Variants in OLR1 observed in about 807,000 individuals in gnomAD.
OLR1 encodes oxidized low density lipoprotein receptor 1, also known as oxidized low-density lipoprotein receptor 1.
A neutral mutation model predicts 31.7 loss-of-function variants in OLR1; 23 were observed. The observed-to-expected ratio is 0.72, with a 90% CI of 0.52 to 1.03. OLR1 has a LOEUF of 1.03. Among genes scored for constraint, OLR1 ranks in the 50% least tolerant of loss-of-function variants. The pLI is 0.00. For missense variants in OLR1, 286 were observed against 315.7 expected (o/e 0.91, Z 0.71); for synonymous variants, 117 against 115.8 (o/e 1.01, Z -0.07).
rs1403532002 is a variant in OLR1, at chr12:10,171,983, A to T, written c.76+19T>A. 4.4e-6 allele frequency: 7 copies of T among 1,592,758 alleles called. No individual in the cohort carries two copies. The highest frequency in any genetic ancestry group is 1.7e-5 in the Admixed American group (1 of 59,886). On this transcript the variant is annotated intron_variant, in intron 1 of 5. Coordinates refer to ENST00000309539, the MANE Select transcript of OLR1 (RefSeq NM_002543.4). ...ACACTGGGATTCTTTCCCTGTACAC[A>T]TTTTCCCATCCCTAGTACCTTTAGC...
chr12:10,174,816 C>G (rs1361563580), upstream of OLR1, among the ~76,000 whole-genome samples: 1 of 152,170 alleles, frequency 6.6e-6, no homozygotes, highest in African/African-American at 2.4e-5. Context: ...GCACCTCATA[C>G]TGGTGGAATC....
chr12:10,175,179 C>T (rs1948757138), upstream of OLR1: 1 of 152,092 alleles, frequency 6.6e-6, no homozygotes, highest in Admixed American at 6.6e-5. Context: ...AGCAGAGGTG[C>T]TGGAATGTAT....
intron 2 of OLR1, chr12:10,167,302 C>T (rs944153724): frequency 4.9e-6 from 1 of 202,162 alleles, no homozygotes; most frequent in African/African-American, 2.3e-5. Flanking sequence ...ATGGTGAAAC[C>T]CCATCTCTAC....
intron 3 of OLR1, among the ~76,000 whole-genome samples, 186 bp downstream of exon 3, chr12:10,166,526 T>TAAA (rs111536572): frequency 3.0e-5 from 4 of 134,958 alleles, no homozygotes; most frequent in African/African-American, 1.1e-4. Context: ...AAACTCCATC[T>TAAA]AAAAAAAAAA....
chr12:10,161,895 A>G (rs1030755468), intron 3 of OLR1, among the ~76,000 whole-genome samples: 3 of 147,922 alleles, frequency 2.0e-5, no homozygotes, highest in African/African-American at 7.5e-5. Flanking sequence ...CTTCTTTTTC[A>G]TTTTTATGTG....
At chr12:10,166,690 T>G in intron 3 of OLR1, 22 bp downstream of exon 3, 1 of 1,613,430 alleles carries the variant, frequency 6.2e-7, no homozygotes, top group Non-Finnish European at 8.5e-7. Flanking sequence ...CTATGTCTCC[T>G]TACCCACCCT....
chr12:10,175,036 C>T (rs1382116678), upstream of OLR1, among the ~76,000 whole-genome samples: 1 of 152,136 alleles, frequency 6.6e-6, no homozygotes, highest in East Asian at 1.9e-4. Flanking sequence ...ATAGTTTCTA[C>T]AGTCCTTGTG....
rs1425341079 is a variant in OLR1, at chr12:10,160,698, A to G, written c.564+88T>C. 63 of 1,524,666 alleles carry G rather than the reference A, an allele frequency of 4.1e-5. No homozygotes were observed. In the East Asian group the frequency reaches 1.4e-3, roughly 33 times the overall value. The allele number at this position is 1,524,666 out of a possible 1,614,324, so 94.4% of individuals were successfully genotyped here. ...AAAAAAACAGACATTTTGGCTCTCAAACAAGAATTCCTCCAGTGACAGTTT... is the reference window on the plus strand; with the variant it reads ...AAAAAAACAGACATTTTGGCTCTCAGACAAGAATTCCTCCAGTGACAGTTT... On this transcript the variant is annotated intron_variant, in intron 4 of 5. Transcript: ENST00000309539.
At chr12:10,167,636 A>G (rs1013630626) in intron 2 of OLR1, 4 of 152,202 alleles carry the variant, frequency 2.6e-5, no homozygotes, top group African/African-American at 7.2e-5. Context: ...TTATGTCTCA[A>G]TTCCTCTGCT....
Position 10,169,192 on chromosome 12 carries a change from T to C in OLR1, c.77-17A>G. On this transcript the variant is annotated splice_polypyrimidine_tract_variant and intron_variant, in intron 1 of 5. Transcript: ENST00000309539. Reference sequence around the variant, plus strand: ...ACTGAAGACCTAGAGTGACAGAGGATAGAATCAGAAAGACAAAAAAGAGTG... The same window carrying C: ...ACTGAAGACCTAGAGTGACAGAGGACAGAATCAGAAAGACAAAAAAGAGTG... The C allele has an allele frequency of 1.3e-6, 2 of 1,581,066 alleles. No individual in the cohort carries two copies. The highest frequency in any genetic ancestry group is 4.5e-5 in the East Asian group (2 of 44,708).
intron 3 of OLR1, among the ~76,000 whole-genome samples, chr12:10,161,767 TGAAAAA>T (rs1255148491): frequency 1.3e-5 from 2 of 151,880 alleles, no homozygotes; most frequent in East Asian, 1.9e-4. Context: ...AAACTTAATT[TGAAAAA>T]GAAAAAGAAT....
intron 3 of OLR1, among the ~76,000 whole-genome samples, chr12:10,162,955 T>TTG (rs10637880): frequency 0.37 from 56,132 of 151,208 alleles, 10,461 homozygotes; most frequent in East Asian, 0.55. Flanking sequence ...CTGTATTTCT[T>TTG]TGTGTGTGTG....
At chr12:10,160,672 TA>T (rs926516179) in intron 4 of OLR1, 113 bp downstream of exon 4, 22 of 1,394,598 alleles carry the variant, frequency 1.6e-5, no homozygotes, top group East Asian at 2.3e-5. Flanking sequence ...CAGACTAAGC[TA>T]AAAAAACAGA....
chr12:10,163,839 G>A (rs1475099500), intron 3 of OLR1, among the ~76,000 whole-genome samples: 2 of 152,012 alleles, frequency 1.3e-5, no homozygotes, highest in Non-Finnish European at 2.9e-5. Context: ...GCTGAGGCAG[G>A]AGAATTGCTT....
In OLR1 at chr12:10,160,032, G is replaced by GA. The variant is rs767552288; in HGVS notation, c.681-12dup. On this transcript the variant is annotated splice_polypyrimidine_tract_variant and intron_variant, in intron 5 of 5. Transcript: ENST00000309539. Reference sequence around the variant, plus strand: ...CCTCGGACTCTAAATCTGCAGGTAGGAAAAAACAAAACAAACCAACAAAAA... The same window carrying GA: ...CCTCGGACTCTAAATCTGCAGGTAGGAAAAAAACAAAACAAACCAACAAAAA... The GA allele has an allele frequency of 1.3e-5, 20 of 1,585,550 alleles. No individual in the cohort carries two copies. The highest frequency in any genetic ancestry group is 1.7e-4 in the Middle Eastern group (1 of 5,936).
chr12:10,160,405 G>A lies in OLR1; in HGVS notation c.622C>T (p.Arg208Trp), dbSNP rs775516504. The change falls in exon 5 of 6, where the codon CGG becomes TGG. Residue 208 changes from arginine to tryptophan, a missense_variant. Transcript: ENST00000309539. Reference protein sequence around the residue: ...SSFPFWMGLSRRNPSYPWLWE... With the variant: ...SSFPFWMGLSWRNPSYPWLWE... The stretch of plus-strand genomic sequence containing the variant: ...AGCCATGGGTAGCTGGGGTTCCTCC[G>A]AGACAGCCCCATCCAGAATGGAAAA... 6.2e-6 allele frequency: 10 copies of A among 1,613,802 alleles called. No individual in the cohort carries two copies. Among genetic ancestry groups the A allele is most frequent in the East Asian group, 2.2e-5 (1 of 44,894 alleles).
chr12:10,166,818 T>C lies in OLR1; in HGVS notation c.318A>G (p.Ile106Met), dbSNP rs1274777992. Residue 106 changes from isoleucine (I) to methionine (M), a missense_variant, in exon 3 of 6, where the codon ATA becomes ATG. Transcript: ENST00000309539. ...QESENELKEM[I>M]ETLARKLNEK... Reference sequence around the variant, plus strand: ...CATTCAGCTTCCGAGCAAGGGTTTCTATCATTTCCTTGAGTTCGTTTTCTG... The same window carrying C: ...CATTCAGCTTCCGAGCAAGGGTTTCCATCATTTCCTTGAGTTCGTTTTCTG... 2.5e-6 allele frequency: 4 copies of C among 1,613,776 alleles called. No homozygotes were observed. Among genetic ancestry groups the C allele is most frequent in the East Asian group, 2.2e-5 (1 of 44,810 alleles).
intron 3 of OLR1, among the ~76,000 whole-genome samples, chr12:10,162,552 G>C (rs1238616525): frequency 6.6e-6 from 1 of 152,196 alleles, no homozygotes; most frequent in Admixed American, 6.5e-5. Context: ...TTTTGGCTGG[G>C]GGTGGTGGCT....
Position 10,159,892 on chromosome 12 carries a change from TA to T in OLR1, c.809del (p.Leu270GlnfsTer17), listed in dbSNP as rs1340404592. ...AFSICQKKANLRAQ is the reference protein window; with the variant it reads ...AFSICQKKANXRAQ ...AGAGCCTTCAAATTCACTGTGCTCT[TA>T]GGTTTGCCTTCTTCTGACATATACT... On this transcript the variant is annotated frameshift_variant, in exon 6 of 6. Transcript: ENST00000309539. LOFTEE classifies it high-confidence loss of function. 1.2e-6 allele frequency: 2 copies of T among 1,612,068 alleles called. No homozygotes were observed. The highest frequency in any genetic ancestry group is 1.7e-6 in the Non-Finnish European group (2 of 1,179,110).
Sources: gnomAD v4.1 joint callset for allele counts (sites outside exome capture counted in the v4.1 genomes callset) on GRCh38, gnomAD v4.1.1 for gene constraint, MANE v1.5 for transcripts, NCBI Gene and HGNC (gene_info 2026-07-23, HGNC 2026-07-21) for gene names.